The following LMO7 variants were observed in gnomAD, a reference collection of about 807,000 sequenced individuals.
LMO7 encodes LIM domain only protein 7.
LMO7 carries 120 observed loss-of-function variants against 206.5 expected under a neutral mutation model. The ratio of observed to expected loss-of-function variants is 0.58; its 90% CI spans 0.50 to 0.68. The LOEUF is 0.68. Ranked by LOEUF, LMO7 falls within the 30% of genes least tolerant of loss-of-function variation. The pLI, the probability that LMO7 is intolerant of heterozygous loss-of-function variation, is 0.00. For missense variants in LMO7, 1,959 were observed against 1,957.9 expected (o/e 1.00, Z -0.01); for synonymous variants, 706 against 681.5 (o/e 1.04, Z -0.56).
Position 75,858,850 on chromosome 13 carries a change from T to G in LMO7, c.*907T>G, listed in dbSNP as rs1190619712. ...TATACTTTGACAAATTTTGACATGG[T>G]GTATACCTTCGAAACTATGCCACAG... On this transcript the variant is annotated 3_prime_UTR_variant, in exon 31 of 31. Coordinates refer to ENST00000377534, the MANE Select transcript of LMO7 (RefSeq NM_001306080.2). 6.6e-6 allele frequency: 1 copy of G among 152,234 alleles called. No individual in the cohort carries two copies. The highest frequency in any genetic ancestry group is 1.5e-5 in the Non-Finnish European group (1 of 68,012). 9.4% of individuals were successfully genotyped at this position (152,234 alleles called of 1,614,324 possible).
chr13:75,639,435 C>T lies in LMO7; in HGVS notation c.69+2709C>T, dbSNP rs559687128. The stretch of plus-strand genomic sequence containing the variant: ...TTGGATTATTACATAGTTGGAAAGG[C>T]TGTTTGATACATTAATAATGTAGCA... On this transcript the variant is annotated intron_variant, in intron 1 of 30. Transcript: ENST00000377534. Among the ~76,000 whole-genome samples the T allele has an allele frequency of 3.3e-5, 5 of 152,224 alleles. No individual in the cohort carries two copies. In the South Asian group the frequency reaches 1.0e-3, roughly 32 times the overall value.
intron 4 of LMO7, among the ~76,000 whole-genome samples, chr13:75,775,574 C>A (rs1378236353): frequency 2.6e-5 from 4 of 151,830 alleles, no homozygotes; most frequent in Non-Finnish European, 4.4e-5. Context: ...CTATTTGACA[C>A]AGGGCTAATA....
At chr13:75,719,403 G>A (rs199813528) in intron 2 of LMO7, among the ~76,000 whole-genome samples, 2 of 152,120 alleles carry the variant, frequency 1.3e-5, no homozygotes, top group Non-Finnish European at 2.9e-5. Context: ...GAATAAAACT[G>A]CTATGAACAT....
intron 1 of LMO7, among the ~76,000 whole-genome samples, chr13:75,704,211 A>G (rs1267881503): frequency 6.6e-6 from 1 of 152,184 alleles, no homozygotes; most frequent in Non-Finnish European, 1.5e-5. Context: ...TAAGGTCATG[A>G]TACGTGAACA....
chr13:75,720,720 A>T (rs1196318734), intron 2 of LMO7, among the ~76,000 whole-genome samples: 1 of 152,212 alleles, frequency 6.6e-6, no homozygotes, highest in African/African-American at 2.4e-5. Context: ...ATCATAAGAA[A>T]GTGATGACTA....
rs1296613991 is a variant in LMO7 at position 75,823,755 on chromosome 13, T to C, written c.2831T>C (p.Leu944Pro). ...TCTCCTACATCCCCCTTCTCATCTC[T>C]TTCCCAAGACCAGGCTGCCACTTCT... ...LPSPTSPFSSLSQDQAATSKA... is the reference protein window; with the variant it reads ...LPSPTSPFSSPSQDQAATSKA... Residue 944 changes from leucine (L) to proline (P), a missense_variant, in exon 15 of 31, where the codon CTT becomes CCT. Transcript: ENST00000377534. 2 of 1,614,018 alleles carry C rather than the reference T, an allele frequency of 1.2e-6. No individual in the cohort carries two copies. Among genetic ancestry groups the C allele is most frequent in the Admixed American group, 1.7e-5 (1 of 60,002 alleles).
At chr13:75,843,811 GA>G (rs1259853257) in intron 25 of LMO7, among the ~76,000 whole-genome samples, 1 of 152,170 alleles carries the variant, frequency 6.6e-6, no homozygotes, top group Non-Finnish European at 1.5e-5. Context: ...TTTCAGAGCT[GA>G]AATTTCTCCT....
At position 75,796,666 on chromosome 13, in the gene LMO7, A is replaced by C; in HGVS notation, c.379A>C (p.Lys127Gln). The C allele has an allele frequency of 6.2e-7, 1 of 1,613,526 alleles. No individual in the cohort carries two copies. Among genetic ancestry groups the C allele is most frequent in the Non-Finnish European group, 8.5e-7 (1 of 1,179,602 alleles). Residue 127 changes from lysine to glutamine, a missense_variant, in exon 6 of 31, where the codon AAA becomes CAA. Physicochemically the swap from Lys to Gln is moderately conservative, Grantham distance 53. Coordinates refer to ENST00000377534, the MANE Select transcript of LMO7 (RefSeq NM_001306080.2). ...VLITLYWLGR[K>Q]AQSNPYYNGP... is the part of the protein sequence containing the mutation. The stretch of plus-strand genomic sequence containing the variant: ...GATAACATTGTACTGGCTGGGAAGA[A>C]AAGCACAAAGCAACCCGTACTATAA...
At chr13:75,665,511 T>C (rs1360295524) in intron 1 of LMO7, among the ~76,000 whole-genome samples, 2 of 149,922 alleles carry the variant, frequency 1.3e-5, no homozygotes, top group Non-Finnish European at 3.0e-5. Context: ...TCAGAGGAAA[T>C]TTATGTCTCC....
intron 4 of LMO7, among the ~76,000 whole-genome samples, chr13:75,785,495 TA>T (rs1477416645): frequency 2.6e-5 from 4 of 152,170 alleles, no homozygotes; most frequent in Non-Finnish European, 5.9e-5. Flanking sequence ...ATTACATAAT[TA>T]AGTATAAAGG....
chr13:75,658,588 T>C (rs923315362), intron 1 of LMO7, among the ~76,000 whole-genome samples: 2 of 152,096 alleles, frequency 1.3e-5, no homozygotes, highest in African/African-American at 4.8e-5. Flanking sequence ...TATCTTATTT[T>C]TATTTTTATT....
At chr13:75,848,119 G>A (rs1207522027) in intron 26 of LMO7, among the ~76,000 whole-genome samples, 2 of 152,002 alleles carry the variant, frequency 1.3e-5, no homozygotes, top group African/African-American at 4.8e-5. Context: ...GGTTACATGA[G>A]TAAGTTCTTT....
chr13:75,847,162 A>G (rs1370808998), intron 26 of LMO7, among the ~76,000 whole-genome samples: 2 of 152,362 alleles, frequency 1.3e-5, no homozygotes, highest in East Asian at 3.9e-4. Flanking sequence ...AGATGAACCA[A>G]GGCATAGACA....
At chr13:75,641,965 T>G (rs2036581909) in intron 1 of LMO7, among the ~76,000 whole-genome samples, 1 of 152,154 alleles carries the variant, frequency 6.6e-6, no homozygotes, top group South Asian at 2.1e-4. Context: ...CCGGCCCCAT[T>G]TTTTTCTTTA....
At chr13:75,651,873 G>A (rs985384388) in intron 1 of LMO7, among the ~76,000 whole-genome samples, 1 of 152,050 alleles carries the variant, frequency 6.6e-6, no homozygotes, top group Non-Finnish European at 1.5e-5. Context: ...TGCCATAAAG[G>A]ATAACTTTCT....
intron 8 of LMO7, chr13:75,805,250 A>G: frequency 9.3e-7 from 1 of 1,072,200 alleles, no homozygotes; most frequent in East Asian, 2.8e-5. Context: ...CTTCCTTTTA[A>G]CACAGCTTCT....
At chr13:75,783,509 G>A (rs1218888847) in intron 4 of LMO7, among the ~76,000 whole-genome samples, 1 of 152,150 alleles carries the variant, frequency 6.6e-6, no homozygotes, top group African/African-American at 2.4e-5. Context: ...TTTTGGAAGA[G>A]AAGGGGTTTC....
intron 3 of LMO7, among the ~76,000 whole-genome samples, chr13:75,740,049 G>A (rs894556322): frequency 6.6e-6 from 1 of 152,238 alleles, no homozygotes; most frequent in African/African-American, 2.4e-5. Context: ...TTCAAGGGTA[G>A]CACTTTTCTG....
chr13:75,673,740 A>C (rs548560997), intron 1 of LMO7, among the ~76,000 whole-genome samples: 1 of 152,352 alleles, frequency 6.6e-6, no homozygotes, highest in Non-Finnish European at 1.5e-5. Flanking sequence ...ACTGTAATTT[A>C]AAAAGTATTT....
Sources: gnomAD v4.1 joint callset for allele counts (sites outside exome capture counted in the v4.1 genomes callset) on GRCh38, gnomAD v4.1.1 for gene constraint, MANE v1.5 for transcripts, NCBI Gene and HGNC (gene_info 2026-07-23, HGNC 2026-07-21) for gene names.